The following PPFIA1 variants were observed in gnomAD, a reference collection of about 807,000 sequenced individuals.
PPFIA1 encodes liprin-alpha-1.
A neutral mutation model predicts 149.9 loss-of-function variants in PPFIA1; 25 were observed. The observed-to-expected ratio is 0.17, with a 90% confidence interval of 0.12 to 0.23. The LOEUF (loss-of-function observed/expected upper bound fraction) is 0.23. PPFIA1 is among the 10% of genes least tolerant of loss of function. PPFIA1 has a pLI of 1.00. For missense variants in PPFIA1, 1,362 were observed against 1,506.5 expected (o/e 0.90, Z 1.59); for synonymous variants, 549 against 552.8 (o/e 0.99, Z 0.10).
chr11:70,344,500 C>T (rs1367656561), intron 15 of PPFIA1, among the ~76,000 whole-genome samples: 3 of 152,178 alleles, frequency 2.0e-5, no homozygotes, highest in Admixed American at 6.5e-5. Flanking sequence ...TCTTAGTGTC[C>T]CTCCTTGACC....
At chr11:70,298,750 C>T (rs2052268521) in intron 2 of PPFIA1, among the ~76,000 whole-genome samples, 1 of 152,174 alleles carries the variant, frequency 6.6e-6, no homozygotes, top group Admixed American at 6.5e-5. Flanking sequence ...TGCTGTGACT[C>T]ACTATGGGGA....
At chr11:70,352,593 A>T (rs941413804) in intron 16 of PPFIA1, among the ~76,000 whole-genome samples, 1 of 152,166 alleles carries the variant, frequency 6.6e-6, no homozygotes, top group East Asian at 1.9e-4. Flanking sequence ...CTTGTCTACA[A>T]GAGACTGTCG....
chr11:70,347,528 C>T (rs916004452), intron 15 of PPFIA1, among the ~76,000 whole-genome samples: 2 of 152,060 alleles, frequency 1.3e-5, no homozygotes, highest in Non-Finnish European at 2.9e-5. Context: ...ATAGGAAGAC[C>T]TTGTCTCTAC....
intron 9 of PPFIA1, 23 bp from the exon 10 acceptor site, chr11:70,333,447 G>A: frequency 1.3e-6 from 2 of 1,597,722 alleles, no homozygotes; most frequent in Non-Finnish European, 1.7e-6. Flanking sequence ...GATGACGTCA[G>A]CGTACGCTGT....
chr11:70,345,678 T>A (rs1259258519), intron 15 of PPFIA1, among the ~76,000 whole-genome samples: 1 of 151,990 alleles, frequency 6.6e-6, no homozygotes, highest in Admixed American at 6.6e-5. Context: ...TTAAAAAAAA[T>A]GAGCCAGGTA....
chr11:70,278,681 C>T (rs2050563587), intron 2 of PPFIA1, among the ~76,000 whole-genome samples: 2 of 152,106 alleles, frequency 1.3e-5, no homozygotes, highest in Non-Finnish European at 2.9e-5. Flanking sequence ...CAATCAAAAC[C>T]CACTACTTCA....
intron 2 of PPFIA1, among the ~76,000 whole-genome samples, chr11:70,323,095 G>C (rs1591205316): frequency 6.6e-6 from 1 of 152,218 alleles, no homozygotes; most frequent in Admixed American, 6.5e-5. Context: ...GAATTCTCCA[G>C]CTCTCCCTGC....
At chr11:70,318,099 A>G (rs1324173234) in intron 2 of PPFIA1, among the ~76,000 whole-genome samples, 3 of 151,990 alleles carry the variant, frequency 2.0e-5, no homozygotes, top group African/African-American at 4.8e-5. Flanking sequence ...TCCGTTCTCC[A>G]TGCCCATTCA....
intron 7 of PPFIA1, 136 bp from the exon 8 acceptor site, chr11:70,330,037 G>A: frequency 2.7e-6 from 2 of 748,500 alleles, no homozygotes; most frequent in South Asian, 3.9e-5. Context: ...GTGAGCTGCT[G>A]TATCTGGCCT....
At chr11:70,335,532 G>A in intron 10 of PPFIA1, 31 bp from the exon 11 acceptor site, 1 of 1,609,196 alleles carries the variant, frequency 6.2e-7, no homozygotes, top group Non-Finnish European at 8.5e-7. Context: ...ATTTACGTGA[G>A]GTTTATAAGA....
intron 2 of PPFIA1, among the ~76,000 whole-genome samples, chr11:70,297,682 A>C (rs2052173032): frequency 6.6e-6 from 1 of 152,232 alleles, no homozygotes; most frequent in Non-Finnish European, 1.5e-5. Flanking sequence ...ACTGGGTCAC[A>C]GTGTCTCTGG....
At position 70,324,833 on chromosome 11, in the gene PPFIA1, GCCTT is replaced by G. The variant is rs763790956; in HGVS notation, c.367-13_367-10del. On this transcript the variant is annotated splice_polypyrimidine_tract_variant and intron_variant, in intron 3 of 27. Coordinates refer to ENST00000253925, the MANE Select transcript of PPFIA1 (RefSeq NM_003626.5). ...TGCTGTTTAACAAGTCTTTATTTTG[GCCTT>G]TTATTTCAGCTGCTGTTAGAGCATT... The G allele has an allele frequency of 5.2e-6, 8 of 1,544,782 alleles. No individual in the cohort carries two copies. The Admixed American group carries it at 1.3e-4, about 24-fold the overall frequency.
intron 18 of PPFIA1, among the ~76,000 whole-genome samples, 173 bp downstream of exon 18, chr11:70,355,984 G>A (rs1254182296): frequency 1.3e-5 from 2 of 152,190 alleles, no homozygotes; most frequent in African/African-American, 4.8e-5. Flanking sequence ...TGCCACTCAG[G>A]TACAACACAT....
intron 12 of PPFIA1, 48 bp from the exon 13 acceptor site, chr11:70,338,325 TA>T (rs754191886): frequency 6.8e-7 from 1 of 1,465,556 alleles, no homozygotes; most frequent in South Asian, 1.1e-5. Context: ...TAAGTGGTTT[TA>T]AAATCTAAAA....
intron 26 of PPFIA1, chr11:70,381,022 A>C (rs2057692363): frequency 6.6e-6 from 1 of 151,950 alleles, no homozygotes. Flanking sequence ...GCTGGTCTTA[A>C]CTCTTGGGCT....
chr11:70,282,814 C>T (rs185284948), intron 2 of PPFIA1, among the ~76,000 whole-genome samples: 525 of 140,476 alleles, frequency 3.7e-3, no homozygotes, highest in Non-Finnish European at 6.3e-3. Context: ...GGATTACAGG[C>T]GTGAGCCACC....
At chr11:70,382,286 T>C in intron 27 of PPFIA1, 128 bp downstream of exon 27, 2 of 603,954 alleles carry the variant, frequency 3.3e-6, no homozygotes, top group Non-Finnish European at 5.9e-6. Flanking sequence ...TTAAAATATA[T>C]ATAGACACAA....
intron 2 of PPFIA1, among the ~76,000 whole-genome samples, chr11:70,319,671 T>C (rs191172994): frequency 1.3e-3 from 192 of 152,314 alleles, no homozygotes; most frequent in Non-Finnish European, 1.9e-3. Context: ...TCAAAGCCTG[T>C]AGATAAGGTG....
At chr11:70,313,182 C>T (rs193058011) in intron 2 of PPFIA1, among the ~76,000 whole-genome samples, 118 of 152,292 alleles carry the variant, frequency 7.7e-4, no homozygotes, top group Non-Finnish European at 1.4e-3. Context: ...ACTTCTAGAG[C>T]GGCCACTCTG....
Sources: allele counts gnomAD v4.1 joint callset (sites outside exome capture counted in the v4.1 genomes callset), GRCh38; gene constraint gnomAD v4.1.1; transcripts MANE v1.5; gene names NCBI Gene and HGNC (gene_info 2026-07-23, HGNC 2026-07-21).